Variants in CC2D2B observed in about 807,000 individuals in gnomAD.
CC2D2B encodes the protein coiled-coil and C2 domain containing 2B, also known as protein CC2D2B.
Under a neutral mutation model 161.2 loss-of-function variants are expected in CC2D2B, and 128 were observed. The ratio of observed to expected loss-of-function variants is 0.79; its 90% CI spans 0.69 to 0.92. The LOEUF is 0.92. CC2D2B is among the 40% of genes least tolerant of loss of function. The probability of loss-of-function intolerance (pLI) is 0.00; values close to 1 mark genes in which losing one functional copy is unlikely to be tolerated. For synonymous variants in CC2D2B, 391 were observed against 449.8 expected (o/e 0.87, Z 1.65); for missense variants, 1,173 against 1,375.1 (o/e 0.85, Z 2.32).
intron 24 of CC2D2B, among the ~76,000 whole-genome samples, chr10:96,001,447 C>A (rs915473965): frequency 5.9e-5 from 9 of 151,816 alleles, no homozygotes; most frequent in African/African-American, 2.2e-4. Context: ...GATTTCTATG[C>A]TTTATCTGAA....
At chr10:95,936,388 G>C (rs1190246012) in intron 6 of CC2D2B, among the ~76,000 whole-genome samples, 1 of 152,186 alleles carries the variant, frequency 6.6e-6, no homozygotes, top group Non-Finnish European at 1.5e-5. Context: ...CCTCGTTCCA[G>C]ATATCTCATC....
intron 21 of CC2D2B, 58 bp from the exon 22 acceptor site, chr10:95,992,469 T>C: frequency 8.5e-7 from 1 of 1,173,230 alleles, no homozygotes. Context: ...CAAAAGACTG[T>C]TATCTTTTAA....
Position 96,016,198 on chromosome 10 carries a change from T to C in CC2D2B, c.3517-3T>C. On this transcript the variant is annotated splice_polypyrimidine_tract_variant and splice_region_variant and intron_variant, in intron 29 of 34. Coordinates refer to ENST00000646931, the MANE Select transcript of CC2D2B (RefSeq NM_001349008.3). The stretch of plus-strand genomic sequence containing the variant: ...TGTTCCTATTGCTTTTGTTTTGTCT[T>C]AGCACTGCATCAGTTTAGCTATCGG... 6.3e-7 allele frequency: 1 copy of C among 1,599,014 alleles called. No individual in the cohort carries two copies. Among genetic ancestry groups the C allele is most frequent in the Non-Finnish European group, 8.6e-7 (1 of 1,167,380 alleles).
chr10:96,007,334 A>T (rs1408732279), intron 25 of CC2D2B, among the ~76,000 whole-genome samples: 1 of 152,132 alleles, frequency 6.6e-6, no homozygotes. Flanking sequence ...AGCTCCATCC[A>T]TGTAGGGAAC....
chr10:95,983,743 A>T lies in CC2D2B; in HGVS notation c.2220A>T (p.Gln740His), dbSNP rs1439914563. The change falls in exon 19 of 35, where the codon CAA becomes CAT. Residue 740 changes from glutamine to histidine, a missense_variant. Around this residue, in one of 3 missense-constraint regions of CC2D2B, gnomAD observed 277 missense variants for 420.6 expected, o/e 0.66. Coordinates refer to ENST00000646931, the MANE Select transcript of CC2D2B (RefSeq NM_001349008.3). ...TATTGCAACTTAGAAATGCAGGTCAATTAGATAATTTCCTTCTACAGCAAA... is the reference window on the plus strand; with the variant it reads ...TATTGCAACTTAGAAATGCAGGTCATTTAGATAATTTCCTTCTACAGCAAA... ...FQLLQLRNAG[Q>H]LDNFLLQQMP... 1 of 1,231,178 alleles carries T rather than the reference A, an allele frequency of 8.1e-7. No homozygotes were observed. Among genetic ancestry groups the T allele is most frequent in the African/African-American group, 1.6e-5 (1 of 64,396 alleles). The allele number at this position is 1,231,178 out of a possible 1,614,324, so 76.3% of individuals were successfully genotyped here.
At chr10:95,950,991 G>A (rs1452441881) in intron 10 of CC2D2B, among the ~76,000 whole-genome samples, 1 of 151,978 alleles carries the variant, frequency 6.6e-6, no homozygotes, top group Admixed American at 6.6e-5. Flanking sequence ...GCTAATTTTT[G>A]TATTTTCAGT....
At chr10:96,008,709 G>T (rs1231098712) in intron 25 of CC2D2B, among the ~76,000 whole-genome samples, 1 of 152,000 alleles carries the variant, frequency 6.6e-6, no homozygotes, top group Non-Finnish European at 1.5e-5. Flanking sequence ...TTTTGGTGAG[G>T]TGTCTGTTCA....
chr10:95,983,873 C>T, intron 19 of CC2D2B, 64 bp downstream of exon 19: 1 of 695,580 alleles, frequency 1.4e-6, no homozygotes, highest in South Asian at 7.6e-5. Context: ...CTGCTTTAAC[C>T]CTATCTTAAT....
chr10:95,942,509 T>C (rs2076058672), intron 9 of CC2D2B, among the ~76,000 whole-genome samples: 1 of 152,142 alleles, frequency 6.6e-6, no homozygotes. Context: ...TTCTTTCCCT[T>C]TATTTCTTTT....
At chr10:95,994,738 A>G (rs1230385740) in intron 22 of CC2D2B, among the ~76,000 whole-genome samples, 2 of 152,144 alleles carry the variant, frequency 1.3e-5, no homozygotes, top group Non-Finnish European at 2.9e-5. Context: ...ATCTGACCCT[A>G]TACCCGCCGG....
At chr10:95,993,952 G>GTGTCTATA in intron 22 of CC2D2B, among the ~76,000 whole-genome samples, 1 of 18,184 alleles carries the variant, frequency 5.5e-5, no homozygotes, top group Admixed American at 6.2e-4. Flanking sequence ...GTATGTATGT[G>GTGTCTATA]TATATATATA....
chr10:95,974,174 T>C lies in CC2D2B; in HGVS notation c.1943+18T>C, dbSNP rs1205387478. 4.9e-6 allele frequency: 6 copies of C among 1,218,292 alleles called. No individual in the cohort carries two copies. The highest frequency in any genetic ancestry group is 4.1e-6 in the Non-Finnish European group (4 of 975,556). 75.5% of individuals were successfully genotyped at this position (1,218,292 alleles called of 1,614,324 possible). ...TACTGCAGGTAATAAACTTTTATCTTTGAAAAATAATGCCAGGTCTCAGCA... is the reference window on the plus strand; with the variant it reads ...TACTGCAGGTAATAAACTTTTATCTCTGAAAAATAATGCCAGGTCTCAGCA... On this transcript the variant is annotated intron_variant, in intron 17 of 34. Coordinates refer to ENST00000646931, the MANE Select transcript of CC2D2B (RefSeq NM_001349008.3).
rs561036339 is a variant in CC2D2B, at chr10:96,032,663, A to C, written c.*655A>C. On this transcript the variant is annotated 3_prime_UTR_variant, in exon 35 of 35. Coordinates refer to ENST00000646931, the MANE Select transcript of CC2D2B (RefSeq NM_001349008.3). ...TTTCACTGGTAAAGAAAAATAAAATAAAATCTACCATGTTGGGCTGATGTT... is the reference window on the plus strand; with the variant it reads ...TTTCACTGGTAAAGAAAAATAAAATCAAATCTACCATGTTGGGCTGATGTT... 18 of 362,068 alleles carry C rather than the reference A, an allele frequency of 5.0e-5. No homozygotes were observed. The highest frequency in any genetic ancestry group is 1.0e-4 in the Non-Finnish European group (18 of 173,346). 22.4% of individuals were successfully genotyped at this position (362,068 alleles called of 1,614,324 possible).
At chr10:96,018,346 G>C (rs2079297149) in intron 30 of CC2D2B, among the ~76,000 whole-genome samples, 1 of 151,962 alleles carries the variant, frequency 6.6e-6, no homozygotes, top group South Asian at 2.1e-4. Context: ...CTTCCCTTTA[G>C]CTTCTAATTG....
intron 25 of CC2D2B, among the ~76,000 whole-genome samples, chr10:96,006,876 T>C (rs973243120): frequency 2.0e-5 from 3 of 152,124 alleles, no homozygotes; most frequent in African/African-American, 7.2e-5. Flanking sequence ...GCTCCAGATA[T>C]TGTCTTCTTT....
At chr10:96,027,691 T>C (rs949959112) in intron 34 of CC2D2B, among the ~76,000 whole-genome samples, 1 of 152,154 alleles carries the variant, frequency 6.6e-6, no homozygotes, top group Non-Finnish European at 1.5e-5. Context: ...AAAGCTATCC[T>C]AAGCAAAAAA....
chr10:95,913,499 G>A, intron 2 of CC2D2B: 1 of 313,950 alleles, frequency 3.2e-6, no homozygotes, highest in Non-Finnish European at 6.2e-6. Context: ...GGAATTGCTG[G>A]ATCATATGGT....
intron 24 of CC2D2B, among the ~76,000 whole-genome samples, chr10:96,003,852 G>A (rs2078634072): frequency 6.6e-6 from 1 of 152,172 alleles, no homozygotes. Context: ...ATTTAAGATA[G>A]TTGAAAAATC....
chr10:95,914,297 T>C (rs1050226540), intron 2 of CC2D2B, among the ~76,000 whole-genome samples: 5 of 152,078 alleles, frequency 3.3e-5, no homozygotes, highest in Non-Finnish European at 7.4e-5. Context: ...TTTGGTTTCT[T>C]TATTTTGTTC....
Sources: gnomAD v4.1 joint callset for allele counts (sites outside exome capture counted in the v4.1 genomes callset) on GRCh38, gnomAD v4.1.1 for gene constraint, gnomAD v4.1.1 regional missense constraint, MANE v1.5 for transcripts, NCBI Gene and HGNC (gene_info 2026-07-23, HGNC 2026-07-21) for gene names.